The following SULF2 variants were observed in gnomAD, a reference collection of about 807,000 sequenced individuals.
SULF2 encodes extracellular sulfatase Sulf-2.
Under a neutral mutation model 107.7 loss-of-function variants are expected in SULF2, and 52 were observed. The ratio of observed to expected loss-of-function variants is 0.48; its 90% CI spans 0.39 to 0.61. The LOEUF (loss-of-function observed/expected upper bound fraction) is 0.61, where lower values mean the gene tolerates loss of function less well. Ranked by LOEUF, SULF2 falls within the 20% of genes least tolerant of loss-of-function variation. SULF2 has a pLI of 0.00. For synonymous variants in SULF2, 460 were observed against 464.3 expected (o/e 0.99, Z 0.12); for missense variants, 993 against 1,177.3 (o/e 0.84, Z 2.29).
chr20:47,752,008 T>A (rs2090167503), intron 2 of SULF2, among the ~76,000 whole-genome samples: 1 of 152,242 alleles, frequency 6.6e-6, no homozygotes, highest in South Asian at 2.1e-4. Flanking sequence ...CTCACATACC[T>A]GGCAGAGTGG....
chr20:47,691,803 G>C (rs1401111985), intron 4 of SULF2, among the ~76,000 whole-genome samples: 1 of 152,222 alleles, frequency 6.6e-6, no homozygotes, highest in Non-Finnish European at 1.5e-5. Flanking sequence ...TGGGCAAGAG[G>C]AGAGAAGAGT....
intron 2 of SULF2, among the ~76,000 whole-genome samples, chr20:47,744,509 C>G (rs188262130): frequency 3.9e-5 from 6 of 152,124 alleles, no homozygotes; most frequent in Non-Finnish European, 8.8e-5. Context: ...CATTCCTGCA[C>G]GGGTCTGCAG....
intron 2 of SULF2, among the ~76,000 whole-genome samples, chr20:47,746,695 T>C (rs1412731459): frequency 6.6e-6 from 1 of 152,058 alleles, no homozygotes; most frequent in East Asian, 1.9e-4. Context: ...GGGACATGGA[T>C]GAAGCTCGAA....
At chr20:47,743,855 T>C (rs376519922) in intron 2 of SULF2, among the ~76,000 whole-genome samples, 14 of 152,328 alleles carry the variant, frequency 9.2e-5, no homozygotes, top group African/African-American at 3.1e-4. Context: ...AGCACGCTTC[T>C]GCCTCAGGAC....
At chr20:47,672,531 C>G in intron 10 of SULF2, 138 bp from the exon 11 acceptor site, 2 of 1,427,444 alleles carry the variant, frequency 1.4e-6, no homozygotes, top group Non-Finnish European at 1.8e-6. Flanking sequence ...CCTCTGCTAT[C>G]TCCAATGCCG....
At chr20:47,690,868 C>CA (rs35385474) in intron 4 of SULF2, among the ~76,000 whole-genome samples, 22,415 of 135,372 alleles carry the variant, frequency 0.17, 3,169 homozygotes, top group African/African-American at 0.39. Flanking sequence ...GACTCTGACT[C>CA]AAAAAAAAAA....
intron 2 of SULF2, among the ~76,000 whole-genome samples, chr20:47,743,777 GCTCT>G (rs760354854): frequency 6.6e-6 from 1 of 152,054 alleles, no homozygotes; most frequent in Non-Finnish European, 1.5e-5. Flanking sequence ...CCTACTGTGC[GCTCT>G]CTCTCTAAGC....
At chr20:47,752,260 C>A (rs1377756238) in intron 2 of SULF2, among the ~76,000 whole-genome samples, 2 of 152,172 alleles carry the variant, frequency 1.3e-5, no homozygotes, top group African/African-American at 4.8e-5. Context: ...GTATTCCTCA[C>A]AAGAATGCCA....
At position 47,702,506 on chromosome 20, in the gene SULF2, G is replaced by T. The variant is rs765380046; in HGVS notation, c.567+13C>A. 2 of 1,610,244 alleles carry T rather than the reference G, an allele frequency of 1.2e-6. No homozygotes were observed. Among genetic ancestry groups the T allele is most frequent in the Non-Finnish European group, 1.7e-6 (2 of 1,178,746 alleles). ...CACACAGCCACTCCCAGGCTGGAAA[G>T]GTTGCAGCTTACCTTGGAGTAGTCG... On this transcript the variant is annotated intron_variant, in intron 4 of 20. Coordinates refer to ENST00000688720, the MANE Select transcript of SULF2 (RefSeq NM_001387048.1).
Position 47,755,769 on chromosome 20 carries a change from C to G in SULF2, c.175+1420G>C, listed in dbSNP as rs998918556. ...TCACGGCCTTCCTCTTCTTAAGGCCCCCTCATCCATGTCTATTTTACTAAG... is the reference window on the plus strand; with the variant it reads ...TCACGGCCTTCCTCTTCTTAAGGCCGCCTCATCCATGTCTATTTTACTAAG... On this transcript the variant is annotated intron_variant, in intron 2 of 20. Coordinates refer to ENST00000688720, the MANE Select transcript of SULF2 (RefSeq NM_001387048.1). 2.0e-5 allele frequency among the ~76,000 whole-genome samples: 3 copies of G among 151,986 alleles called. No individual in the cohort carries two copies. The East Asian group carries it at 5.8e-4, about 29-fold the overall frequency.
intron 4 of SULF2, among the ~76,000 whole-genome samples, chr20:47,690,868 C>A (rs374179470): frequency 1.8e-3 from 245 of 135,400 alleles, no homozygotes; most frequent in South Asian, 2.4e-3. Context: ...GACTCTGACT[C>A]AAAAAAAAAA....
chr20:47,683,235 G>A (rs1245326428), intron 6 of SULF2, 66 bp from the exon 7 acceptor site: 27 of 1,482,210 alleles, frequency 1.8e-5, no homozygotes, highest in Middle Eastern at 2.1e-4. Flanking sequence ...CCGACCCGGG[G>A]TGACAGGCGC....
At chr20:47,785,147 G>A (rs1169281672) in intron 1 of SULF2, among the ~76,000 whole-genome samples, 196 bp downstream of exon 1, 2 of 151,710 alleles carry the variant, frequency 1.3e-5, no homozygotes, top group South Asian at 2.1e-4. Context: ...GGCCGGCGCC[G>A]GAGCCTCCCT....
At chr20:47,770,060 T>C (rs1360869276) in intron 1 of SULF2, among the ~76,000 whole-genome samples, 1 of 135,856 alleles carries the variant, frequency 7.4e-6, no homozygotes, top group East Asian at 2.1e-4. Context: ...GTAGTTTTTT[T>C]TTTTTTTTTT....
intron 4 of SULF2, among the ~76,000 whole-genome samples, chr20:47,697,610 GC>G (rs1315830114): frequency 6.6e-6 from 1 of 152,102 alleles, no homozygotes; most frequent in Non-Finnish European, 1.5e-5. Context: ...TGACTTCACC[GC>G]CCCGCCCTCT....
At chr20:47,778,866 C>T (rs1312116598) in intron 1 of SULF2, among the ~76,000 whole-genome samples, 1 of 152,146 alleles carries the variant, frequency 6.6e-6, no homozygotes, top group African/African-American at 2.4e-5. Context: ...CACTAGAAAA[C>T]AAAACACATT....
chr20:47,770,687 C>T (rs983381466), intron 1 of SULF2, among the ~76,000 whole-genome samples: 2 of 152,160 alleles, frequency 1.3e-5, no homozygotes, highest in African/African-American at 2.4e-5. Flanking sequence ...TGCTTTGTAA[C>T]GTCTGAGGCC....
intron 2 of SULF2, among the ~76,000 whole-genome samples, chr20:47,745,912 G>GT (rs1320365291): frequency 1.3e-5 from 2 of 152,332 alleles, no homozygotes; most frequent in African/African-American, 4.8e-5. Flanking sequence ...CTGCATGTGT[G>GT]TTTGATTTAG....
chr20:47,687,667 TTGTG>T (rs1448598874), intron 5 of SULF2, among the ~76,000 whole-genome samples: 1 of 143,984 alleles, frequency 6.9e-6, no homozygotes, highest in Non-Finnish European at 1.5e-5. Context: ...GTGTATGTCT[TTGTG>T]TGTGTCTGTA....
Sources: allele counts gnomAD v4.1 joint callset (sites outside exome capture counted in the v4.1 genomes callset), GRCh38; gene constraint gnomAD v4.1.1; transcripts MANE v1.5; gene names NCBI Gene and HGNC (gene_info 2026-07-23, HGNC 2026-07-21).